Variants in VANGL1 observed in about 807,000 individuals in gnomAD.
VANGL1 encodes the protein vang-like protein 1.
A neutral mutation model predicts 48.4 loss-of-function variants in VANGL1; 18 were observed. The ratio of observed to expected loss-of-function variants is 0.37; its 90% confidence interval spans 0.26 to 0.55. The LOEUF (loss-of-function observed/expected upper bound fraction) is 0.55. VANGL1 is among the 20% of genes least tolerant of loss of function. VANGL1 has a pLI of 0.81. For missense variants in VANGL1, 667 were observed against 675.8 expected (o/e 0.99, Z 0.14); for synonymous variants, 257 against 261.8 (o/e 0.98, Z 0.18).
In VANGL1 at chr1:115,685,441, C is replaced by T. The variant is rs764026398; in HGVS notation, c.1228C>T (p.Arg410Cys). 3.7e-5 allele frequency: 59 copies of T among 1,613,998 alleles called. No individual in the cohort carries two copies. Among genetic ancestry groups the T allele is most frequent in the East Asian group, 1.1e-4 (5 of 44,876 alleles). ...SMARALQKYL[R>C]ITRQQNYHSM... The stretch of plus-strand genomic sequence containing the variant: ...GGCCAGGGCTCTCCAGAAGTACCTG[C>T]GCATCACCCGGCAGCAGAACTACCA... Residue 410 changes from arginine (R) to cysteine (C), a missense_variant, in exon 7 of 8, where the codon CGC becomes TGC. Transcript: ENST00000355485.
intron 4 of VANGL1, among the ~76,000 whole-genome samples, chr1:115,680,537 T>A (rs1339281820): frequency 2.0e-5 from 3 of 152,228 alleles, no homozygotes; most frequent in Non-Finnish European, 4.4e-5. Flanking sequence ...CTCACCGGAT[T>A]TCCCCTGATA....
intron 4 of VANGL1, among the ~76,000 whole-genome samples, chr1:115,665,040 A>G (rs1652719384): frequency 6.6e-6 from 1 of 152,178 alleles, no homozygotes; most frequent in South Asian, 2.1e-4. Flanking sequence ...GATTTAAGTA[A>G]TTTGCACAAA....
intron 7 of VANGL1, among the ~76,000 whole-genome samples, chr1:115,685,954 T>A (rs1653597752): frequency 6.6e-6 from 1 of 152,060 alleles, no homozygotes; most frequent in Non-Finnish European, 1.5e-5. Flanking sequence ...ACTATCTCAT[T>A]TGTATGTTTT....
rs2101041561 is a variant in VANGL1, at chr1:115,691,899, T to C, written c.*520T>C. 1 of 154,628 alleles carries C rather than the reference T, an allele frequency of 6.5e-6. No individual in the cohort carries two copies. Among genetic ancestry groups the C allele is most frequent in the Middle Eastern group, 3.4e-3 (1 of 294 alleles). 9.6% of individuals were successfully genotyped at this position (154,628 alleles called of 1,614,324 possible). On this transcript the variant is annotated 3_prime_UTR_variant, in exon 8 of 8. Coordinates refer to ENST00000355485, the MANE Select transcript of VANGL1 (RefSeq NM_138959.3). ...ACCTGCCTTCATCTTTGTTCTTTGTTGCCTTAGGTTCTTCAGAGAAAGATC... is the reference window on the plus strand; with the variant it reads ...ACCTGCCTTCATCTTTGTTCTTTGTCGCCTTAGGTTCTTCAGAGAAAGATC...
At chr1:115,686,489 C>T (rs1010521018) in intron 7 of VANGL1, among the ~76,000 whole-genome samples, 5 of 151,746 alleles carry the variant, frequency 3.3e-5, no homozygotes, top group African/African-American at 1.2e-4. Context: ...AAGAAACAGC[C>T]ATGTATCTAA....
rs982924220 is a variant in VANGL1 at position 115,693,358 on chromosome 1, A to G, written c.*1979A>G. The G allele has an allele frequency of 5.2e-5, 8 of 152,644 alleles. No individual in the cohort carries two copies. Among genetic ancestry groups the G allele is most frequent in the African/African-American group, 7.2e-5 (3 of 41,448 alleles). 9.5% of individuals were successfully genotyped at this position (152,644 alleles called of 1,614,324 possible). A position where few individuals can be genotyped will look rare whatever the true frequency, so the allele number is the denominator to read the frequency against. ...TGGATACAGTGCAGTTCCAAGTGCC[A>G]TAAGTGTATGTACATATAGTTAATA... On this transcript the variant is annotated 3_prime_UTR_variant, in exon 8 of 8. Transcript: ENST00000355485.
intron 2 of VANGL1, among the ~76,000 whole-genome samples, chr1:115,657,718 G>T (rs900490436): frequency 6.6e-6 from 1 of 152,082 alleles, no homozygotes; most frequent in African/African-American, 2.4e-5. Context: ...TTCTTGCATT[G>T]CCATAAAGAA....
Position 115,693,113 on chromosome 1 carries a change from A to C in VANGL1, c.*1734A>C, listed in dbSNP as rs527469515. The C allele has an allele frequency of 6.5e-6, 1 of 152,700 alleles. No homozygotes were observed. The allele number at this position is 152,700 out of a possible 1,614,324, so 9.5% of individuals were successfully genotyped here. ...CATGCTGGAGAAGAAGGAAGGGGGA[A>C]CCCATAGGTGTGGCGTGGAGCCAAG... On this transcript the variant is annotated 3_prime_UTR_variant, in exon 8 of 8. Coordinates refer to ENST00000355485, the MANE Select transcript of VANGL1 (RefSeq NM_138959.3).
At position 115,692,683 on chromosome 1, in the gene VANGL1, G is replaced by A. The variant is rs1053298738; in HGVS notation, c.*1304G>A. 1.2e-4 allele frequency: 19 copies of A among 152,674 alleles called. No homozygotes were observed. Among genetic ancestry groups the A allele is most frequent in the African/African-American group, 4.3e-4 (18 of 41,468 alleles). 9.5% of individuals were successfully genotyped at this position (152,674 alleles called of 1,614,324 possible). A position where few individuals can be genotyped will look rare whatever the true frequency, so the allele number is the denominator to read the frequency against. On this transcript the variant is annotated 3_prime_UTR_variant, in exon 8 of 8. Coordinates refer to ENST00000355485, the MANE Select transcript of VANGL1 (RefSeq NM_138959.3). ...GCTGATTTCAGTGGGCTTTCCCCTG[G>A]CCCTGGGGGAGCAGACACTGACTGG...
chr1:115,670,632 A>G (rs1182558115), intron 4 of VANGL1, among the ~76,000 whole-genome samples: 1 of 152,210 alleles, frequency 6.6e-6, no homozygotes, highest in African/African-American at 2.4e-5. Context: ...CACGCCCTCC[A>G]TCCCATGTTC....
intron 1 of VANGL1, among the ~76,000 whole-genome samples, chr1:115,642,408 C>A (rs924014094): frequency 6.6e-6 from 1 of 152,100 alleles, no homozygotes; most frequent in Non-Finnish European, 1.5e-5. Context: ...ACGTCCCTTT[C>A]TCCCCGGGCT....
chr1:115,685,216 G>T (rs1174580399), intron 6 of VANGL1, 77 bp from the exon 7 acceptor site: 1 of 1,530,348 alleles, frequency 6.5e-7, no homozygotes, highest in Non-Finnish European at 9.0e-7. Flanking sequence ...GCCGCAGCAG[G>T]GTAGACAAGC....
intron 2 of VANGL1, 48 bp from the exon 3 acceptor site, chr1:115,659,593 G>A (rs578245492): frequency 1.2e-6 from 2 of 1,613,002 alleles, no homozygotes; most frequent in Admixed American, 3.3e-5. Flanking sequence ...TAAACCCAGA[G>A]AGTTAATTAA....
Position 115,643,085 on chromosome 1 carries a change from C to T in VANGL1, c.-138+999C>T, listed in dbSNP as rs1002140037. On this transcript the variant is annotated intron_variant, in intron 1 of 7. Coordinates refer to ENST00000355485, the MANE Select transcript of VANGL1 (RefSeq NM_138959.3). ...TTCTCCTTAGGAAGTGTTAGAGCGCCTTATGATGATGATTGTGTAGATGGC... is the reference window on the plus strand; with the variant it reads ...TTCTCCTTAGGAAGTGTTAGAGCGCTTTATGATGATGATTGTGTAGATGGC... 3.3e-5 allele frequency among the ~76,000 whole-genome samples: 5 copies of T among 152,272 alleles called. No individual in the cohort carries two copies. The East Asian group carries it at 9.7e-4, about 29-fold the overall frequency.
At chr1:115,664,331 T>C in intron 4 of VANGL1, 63 bp downstream of exon 4, 2 of 1,577,868 alleles carry the variant, frequency 1.3e-6, no homozygotes, top group Non-Finnish European at 1.7e-6. Flanking sequence ...ACAGCTGCTC[T>C]GTAGCACGTG....
At chr1:115,682,099 T>G (rs1653413478) in intron 4 of VANGL1, among the ~76,000 whole-genome samples, 1 of 152,226 alleles carries the variant, frequency 6.6e-6, no homozygotes, top group African/African-American at 2.4e-5. Flanking sequence ...GAGTTACAAC[T>G]TCTTCCTCTT....
chr1:115,695,567 C>G lies in VANGL1; in HGVS notation c.*4188C>G, dbSNP rs755820428. On this transcript the variant is annotated 3_prime_UTR_variant, in exon 8 of 8. Transcript: ENST00000355485. Reference sequence around the variant, plus strand: ...ATTGAGCTTTAACCAAGTGTATGCTCAGAAAATTCAGTTTTGGATCACATT... The same window carrying G: ...ATTGAGCTTTAACCAAGTGTATGCTGAGAAAATTCAGTTTTGGATCACATT... 2 of 152,518 alleles carry G rather than the reference C, an allele frequency of 1.3e-5. No homozygotes were observed. Among genetic ancestry groups the G allele is most frequent in the Non-Finnish European group, 2.9e-5 (2 of 68,026 alleles). The allele number at this position is 152,518 out of a possible 1,614,324, so 9.4% of individuals were successfully genotyped here. A position where few individuals can be genotyped will look rare whatever the true frequency, so the allele number is the denominator to read the frequency against.
At chr1:115,680,784 G>T (rs966792899) in intron 4 of VANGL1, among the ~76,000 whole-genome samples, 1 of 152,130 alleles carries the variant, frequency 6.6e-6, no homozygotes, top group Admixed American at 6.5e-5. Flanking sequence ...CCCTTGTCTT[G>T]GTGTGAAGTG....
intron 6 of VANGL1, among the ~76,000 whole-genome samples, chr1:115,684,615 T>C (rs1653522456): frequency 6.6e-6 from 1 of 152,198 alleles, no homozygotes; most frequent in African/African-American, 2.4e-5. Flanking sequence ...TGGGCCCTGC[T>C]TGCAGAGACC....
Sources: allele counts gnomAD v4.1 joint callset (sites outside exome capture counted in the v4.1 genomes callset), GRCh38; gene constraint gnomAD v4.1.1; transcripts MANE v1.5; gene names NCBI Gene and HGNC (gene_info 2026-07-23, HGNC 2026-07-21).